The following IGF2BP2 variants were observed in gnomAD, a reference collection of about 807,000 sequenced individuals.
IGF2BP2 encodes the protein insulin-like growth factor 2 mRNA-binding protein 2.
A neutral mutation model predicts 75.8 loss-of-function variants in IGF2BP2; 17 were observed. The ratio of observed to expected loss-of-function variants is 0.22; its 90% CI spans 0.15 to 0.34. IGF2BP2 has a LOEUF of 0.34. Ranked by LOEUF, IGF2BP2 falls within the 10% of genes least tolerant of loss-of-function variation. The probability of loss-of-function intolerance (pLI) is 1.00; values close to 1 mark genes in which losing one functional copy is unlikely to be tolerated. For missense variants in IGF2BP2, 516 were observed against 772.4 expected (o/e 0.67, Z 3.93); for synonymous variants, 288 against 295.6 (o/e 0.97, Z 0.26).
chr3:185,757,762 T>G (rs763880287), intron 2 of IGF2BP2, among the ~76,000 whole-genome samples: 1 of 152,176 alleles, frequency 6.6e-6, no homozygotes, highest in South Asian at 2.1e-4. Flanking sequence ...GTACCTAGCC[T>G]ATAGCTCATG....
chr3:185,722,329 G>C, intron 2 of IGF2BP2: 1 of 443,568 alleles, frequency 2.3e-6, no homozygotes, highest in South Asian at 1.6e-5. Context: ...TATAAGATGA[G>C]AGTAATTCAG....
At chr3:185,725,780 T>A (rs577572123) in intron 2 of IGF2BP2, among the ~76,000 whole-genome samples, 3 of 152,148 alleles carry the variant, frequency 2.0e-5, no homozygotes, top group Non-Finnish European at 4.4e-5. Flanking sequence ...TAGACCAGCC[T>A]TGGCAACATA....
At chr3:185,669,427 G>A (rs553816540) in intron 10 of IGF2BP2, among the ~76,000 whole-genome samples, 16 of 152,056 alleles carry the variant, frequency 1.1e-4, no homozygotes, top group Admixed American at 6.6e-4. Context: ...AAACTTGCAC[G>A]TTCTGCATTT....
At chr3:185,666,163 TTC>T (rs1283619755) in intron 10 of IGF2BP2, among the ~76,000 whole-genome samples, 1 of 152,170 alleles carries the variant, frequency 6.6e-6, no homozygotes, top group Non-Finnish European at 1.5e-5. Flanking sequence ...CTCGTGCTAT[TTC>T]TGTTAAAACT....
chr3:185,704,266 C>T (rs1723705373), intron 2 of IGF2BP2, among the ~76,000 whole-genome samples: 1 of 152,220 alleles, frequency 6.6e-6, no homozygotes, highest in African/African-American at 2.4e-5. Context: ...GCGCTGCAGT[C>T]AGATTCCAGT....
chr3:185,648,363 C>T (rs541693263), intron 14 of IGF2BP2, among the ~76,000 whole-genome samples: 4 of 150,056 alleles, frequency 2.7e-5, no homozygotes, highest in South Asian at 2.1e-4. Context: ...CTCAGGAGGC[C>T]GAGGAAGGAG....
At chr3:185,695,059 C>A (rs530433490) in intron 4 of IGF2BP2, among the ~76,000 whole-genome samples, 2 of 152,122 alleles carry the variant, frequency 1.3e-5, no homozygotes, top group South Asian at 4.2e-4. Context: ...TGCACTCCAG[C>A]CTGGGCGACA....
chr3:185,652,053 T>A, intron 13 of IGF2BP2, 41 bp downstream of exon 13: 1 of 1,535,064 alleles, frequency 6.5e-7, no homozygotes, highest in Non-Finnish European at 8.9e-7. Context: ...GGCTGCTCTG[T>A]GCCCAGAGCC....
chr3:185,810,902 T>A (rs1469259389), intron 2 of IGF2BP2, among the ~76,000 whole-genome samples: 2 of 152,216 alleles, frequency 1.3e-5, no homozygotes, highest in Non-Finnish European at 2.9e-5. Flanking sequence ...CTTAAAACAT[T>A]ATCTATAGTT....
chr3:185,792,695 G>A (rs1736816659), intron 2 of IGF2BP2, among the ~76,000 whole-genome samples: 1 of 151,464 alleles, frequency 6.6e-6, no homozygotes, highest in African/African-American at 2.4e-5. Context: ...GAACCCCGGA[G>A]GTGGAGGTTA....
chr3:185,811,832 CTCT>C (rs1560509970), intron 2 of IGF2BP2, among the ~76,000 whole-genome samples: 4 of 34,730 alleles, frequency 1.2e-4, no homozygotes, highest in Admixed American at 7.2e-4. Flanking sequence ...AGTAGGGTGT[CTCT>C]CTCTCTCTCT....
intron 15 of IGF2BP2, 137 bp downstream of exon 15, chr3:185,646,888 C>T: frequency 1.5e-6 from 1 of 669,496 alleles, no homozygotes; most frequent in Non-Finnish European, 2.7e-6. Flanking sequence ...CCTAAAGAGC[C>T]AGGAAGAACC....
chr3:185,722,612 T>C (rs569598811), intron 2 of IGF2BP2: 2 of 187,484 alleles, frequency 1.1e-5, no homozygotes, highest in African/African-American at 4.8e-5. Context: ...AGACCTGGGA[T>C]AATCAAACTA....
chr3:185,684,114 ATGGGCAT>A (rs1720774370), intron 7 of IGF2BP2, among the ~76,000 whole-genome samples: 3 of 152,230 alleles, frequency 2.0e-5, no homozygotes, highest in Admixed American at 1.3e-4. Flanking sequence ...CTTTCAGAGG[ATGGGCAT>A]TTTTGTCAGC....
rs35598775 is a variant in IGF2BP2, at chr3:185,742,186, T to TAAA, written c.240-43842_240-43840dup. ...GGCAACACAGTGAGAGCCCACCTCT[T>TAAA]AAAAAAAAAAAAAAAAAAATTAGCC... On this transcript the variant is annotated intron_variant, in intron 2 of 15. Transcript: ENST00000382199. Among the ~76,000 whole-genome samples the TAAA allele has an allele frequency of 6.6e-5, 9 of 135,708 alleles. 1 individual carries two copies. The highest frequency in any genetic ancestry group is 1.3e-4 in the African/African-American group (5 of 37,052). The allele number at this position is 135,708 out of a possible 152,430, so 89.0% of individuals were successfully genotyped here. A position where few individuals can be genotyped will look rare whatever the true frequency, so the allele number is the denominator to read the frequency against.
chr3:185,677,068 T>TATATATATATATATAGAGAG, intron 7 of IGF2BP2, among the ~76,000 whole-genome samples: 36 of 35,846 alleles, frequency 1.0e-3, no homozygotes, highest in African/African-American at 1.4e-3. Flanking sequence ...TATATATATA[T>TATATATATATATATAGAGAG]AGAGAGAGAG....
At chr3:185,733,249 T>C (rs1055587167) in intron 2 of IGF2BP2, among the ~76,000 whole-genome samples, 59 of 152,286 alleles carry the variant, frequency 3.9e-4, no homozygotes, top group African/African-American at 1.4e-3. Flanking sequence ...AGCCATATTT[T>C]CTCAATCCAT....
intron 2 of IGF2BP2, among the ~76,000 whole-genome samples, chr3:185,794,652 G>A (rs1489832916): frequency 1.6e-5 from 2 of 125,540 alleles, no homozygotes; most frequent in African/African-American, 6.7e-5. Flanking sequence ...TTTTTTCATT[G>A]TGATAAAAAA....
Position 185,658,425 on chromosome 3 carries a change from A to G in IGF2BP2, c.1201-16T>C, listed in dbSNP as rs747801867. ...CGGAGTGGGTCTGCAGCATGAGAGA[A>G]AGAGTCAGTGGGCGGGTGCTCTCAG... is the stretch of plus-strand genomic sequence containing the variant. On this transcript the variant is annotated splice_polypyrimidine_tract_variant and intron_variant, in intron 10 of 15. Coordinates refer to ENST00000382199, the MANE Select transcript of IGF2BP2 (RefSeq NM_006548.6). 23 of 1,611,370 alleles carry G rather than the reference A, an allele frequency of 1.4e-5. No individual in the cohort carries two copies. The highest frequency in any genetic ancestry group is 5.9e-6 in the Non-Finnish European group (7 of 1,178,148).
Sources: gnomAD v4.1 joint callset for allele counts (sites outside exome capture counted in the v4.1 genomes callset) on GRCh38, gnomAD v4.1.1 for gene constraint, MANE v1.5 for transcripts, NCBI Gene and HGNC (gene_info 2026-07-23, HGNC 2026-07-21) for gene names.